MMP16: variants seen among roughly 807,000 people sequenced by gnomAD.
MMP16 encodes the protein matrix metalloproteinase-16.
A neutral mutation model predicts 67.8 loss-of-function variants in MMP16; 12 were observed. The observed-to-expected ratio is 0.18, with a 90% confidence interval of 0.11 to 0.29. The LOEUF is 0.29. MMP16 is among the 10% of genes least tolerant of loss of function. MMP16 has a pLI of 1.00. For missense variants in MMP16, 475 were observed against 765.7 expected, an observed-to-expected ratio of 0.62 and a Z score of 4.48; for synonymous variants, 249 against 255.9, an observed-to-expected ratio of 0.97 and a Z score of 0.26.
intron 5 of MMP16, among the ~76,000 whole-genome samples, chr8:88,117,203 A>G (rs1032011418): frequency 6.6e-6 from 1 of 152,178 alleles, no homozygotes; most frequent in Admixed American, 6.5e-5. Flanking sequence ...AAACTATTTG[A>G]TATTCTTTTA....
chr8:88,091,134 CAT>C (rs1563528845), intron 6 of MMP16, among the ~76,000 whole-genome samples: 1 of 151,744 alleles, frequency 6.6e-6, no homozygotes, highest in Non-Finnish European at 1.5e-5. Flanking sequence ...AGAAGTCACT[CAT>C]ATGATTAAAA....
chr8:88,073,565 A>G (rs1416303178), intron 7 of MMP16, among the ~76,000 whole-genome samples: 1 of 152,136 alleles, frequency 6.6e-6, no homozygotes, highest in Non-Finnish European at 1.5e-5. Context: ...AATGGACTAA[A>G]CTGTCTCTTT....
chr8:88,066,138 C>A (rs1308567555), intron 7 of MMP16, among the ~76,000 whole-genome samples: 1 of 152,082 alleles, frequency 6.6e-6, no homozygotes, highest in Non-Finnish European at 1.5e-5. Flanking sequence ...TTGACTGTTA[C>A]TGATTCTGAC....
At chr8:88,083,620 T>C (rs1402428944) in intron 6 of MMP16, among the ~76,000 whole-genome samples, 2 of 151,976 alleles carry the variant, frequency 1.3e-5, no homozygotes, top group Non-Finnish European at 2.9e-5. Context: ...TCACTGAAAA[T>C]TGGTAATCAA....
intron 1 of MMP16, among the ~76,000 whole-genome samples, chr8:88,296,730 G>A (rs1285957758): frequency 2.0e-5 from 3 of 151,020 alleles, no homozygotes; most frequent in African/African-American, 7.3e-5. Flanking sequence ...CTGTCATCCC[G>A]GCTACTCAGG....
At chr8:88,161,280 G>C (rs139213322) in intron 4 of MMP16, among the ~76,000 whole-genome samples, 35,492 of 152,086 alleles carry the variant, frequency 0.23, 4,261 homozygotes, top group Middle Eastern at 0.29. Context: ...TCTTGGGACG[G>C]TGTATGTGTC....
intron 1 of MMP16, among the ~76,000 whole-genome samples, chr8:88,248,535 G>A (rs964458099): frequency 6.6e-6 from 1 of 152,026 alleles, no homozygotes; most frequent in African/African-American, 2.4e-5. Context: ...CAATGGCAGA[G>A]ATTTCCATGA....
chr8:88,107,044 T>C lies in MMP16; in HGVS notation c.1083+9463A>G, dbSNP rs935879411. 4.0e-5 allele frequency among the ~76,000 whole-genome samples: 6 copies of C among 151,312 alleles called. No individual in the cohort carries two copies. In the East Asian group the frequency reaches 1.2e-3, roughly 30 times the overall value. On this transcript the variant is annotated intron_variant, in intron 6 of 9. Coordinates refer to ENST00000286614, the MANE Select transcript of MMP16 (RefSeq NM_005941.5). ...AAGTTTTCTTCTAGTACTTTTATGG[T>C]TTAATATTTCCATTTAAATAGTTGA...
intron 1 of MMP16, among the ~76,000 whole-genome samples, chr8:88,219,287 T>C (rs1378396605): frequency 6.6e-6 from 1 of 151,924 alleles, no homozygotes; most frequent in African/African-American, 2.4e-5. Flanking sequence ...CATGATGTGA[T>C]ACTGAATTAA....
chr8:88,095,450 G>C (rs1050690609), intron 6 of MMP16, among the ~76,000 whole-genome samples: 3 of 151,800 alleles, frequency 2.0e-5, no homozygotes, highest in African/African-American at 7.2e-5. Flanking sequence ...GTACCATGGG[G>C]AAAGGATATC....
Position 88,159,901 on chromosome 8 carries a change from C to T in MMP16, c.709+7768G>A, listed in dbSNP as rs190106438. On this transcript the variant is annotated intron_variant, in intron 4 of 9. Coordinates refer to ENST00000286614, the MANE Select transcript of MMP16 (RefSeq NM_005941.5). ...TCTATTGAGATAATCATGCGGTTTT[C>T]GTCGTTGGTTCTGTTTATATGCTGG... Among the ~76,000 whole-genome samples, 164 of 149,974 alleles carry T rather than the reference C, an allele frequency of 1.1e-3. 1 individual carries two copies. The highest frequency in any genetic ancestry group is 3.6e-3 in the African/African-American group (147 of 40,982).
At chr8:88,189,900 C>T (rs187959789) in intron 2 of MMP16, among the ~76,000 whole-genome samples, 23 of 152,208 alleles carry the variant, frequency 1.5e-4, no homozygotes, top group African/African-American at 4.6e-4. Context: ...GGGTAGAGAG[C>T]CAAGCATGAG....
chr8:88,242,631 A>G (rs748295308), intron 1 of MMP16, among the ~76,000 whole-genome samples: 14 of 152,212 alleles, frequency 9.2e-5, no homozygotes, highest in Non-Finnish European at 1.8e-4. Flanking sequence ...GAGTCACAGT[A>G]AACACCCCAT....
intron 1 of MMP16, among the ~76,000 whole-genome samples, chr8:88,326,299 C>T (rs1811536332): frequency 6.6e-6 from 1 of 152,128 alleles, no homozygotes; most frequent in Admixed American, 6.5e-5. Flanking sequence ...AGTCCCTATC[C>T]TTAAGTTCCC....
At chr8:88,107,884 T>C (rs1279238871) in intron 6 of MMP16, among the ~76,000 whole-genome samples, 7 of 151,160 alleles carry the variant, frequency 4.6e-5, no homozygotes, top group African/African-American at 1.7e-4. Flanking sequence ...TGTCCATAGC[T>C]TGATATATGA....
At chr8:88,048,672 T>G (rs1808229130) in intron 8 of MMP16, among the ~76,000 whole-genome samples, 1 of 152,222 alleles carries the variant, frequency 6.6e-6, no homozygotes, top group Non-Finnish European at 1.5e-5. Context: ...AAAGGCAGTT[T>G]CCAAGTTTAT....
chr8:88,256,283 A>T (rs899171233), intron 1 of MMP16, among the ~76,000 whole-genome samples: 11 of 152,266 alleles, frequency 7.2e-5, no homozygotes, highest in Non-Finnish European at 1.0e-4. Context: ...TTAATTTACG[A>T]TTAGCATGTG....
At position 88,038,361 on chromosome 8, in the gene MMP16, T is replaced by A. The variant is rs578071053; in HGVS notation, c.*3100A>T. The A allele has an allele frequency of 6.6e-6, 1 of 152,580 alleles. No homozygotes were observed. The highest frequency in any genetic ancestry group is 2.1e-4 in the South Asian group (1 of 4,820). 9.5% of individuals were successfully genotyped at this position (152,580 alleles called of 1,614,324 possible). A position where few individuals can be genotyped will look rare whatever the true frequency, so the allele number is the denominator to read the frequency against. ...ATGACCCAACCCTTATTCATGACAT[T>A]TGCCAGAATTCAAGCATAATGATAG... On this transcript the variant is annotated 3_prime_UTR_variant, in exon 10 of 10. Coordinates refer to ENST00000286614, the MANE Select transcript of MMP16 (RefSeq NM_005941.5). The surrounding 1 kb of genome is among the most constrained non-coding windows in gnomAD (Gnocchi z 4.1).
chr8:88,208,146 A>C (rs1035532663), intron 1 of MMP16, among the ~76,000 whole-genome samples: 8 of 150,172 alleles, frequency 5.3e-5, no homozygotes, highest in Non-Finnish European at 1.5e-5. Context: ...CCTATTCTGG[A>C]AAAAATATCA....
Sources: allele counts gnomAD v4.1 joint callset (sites outside exome capture counted in the v4.1 genomes callset), GRCh38; gene constraint gnomAD v4.1.1; non-coding constraint Gnocchi (gnomAD v3.1); transcripts MANE v1.5; gene names NCBI Gene and HGNC (gene_info 2026-07-23, HGNC 2026-07-21).